Variants in CRLF1 observed in about 807,000 individuals in gnomAD.
CRLF1 encodes the protein cytokine receptor like factor 1.
A neutral mutation model predicts 48.9 loss-of-function variants in CRLF1; 36 were observed. The ratio of observed to expected loss-of-function variants is 0.74; its 90% confidence interval spans 0.56 to 0.97. The LOEUF is 0.97. CRLF1 is among the 50% of genes least tolerant of loss of function. The pLI is 0.00. For missense variants in CRLF1, 534 were observed against 575.1 expected (o/e 0.93, Z 0.73); for synonymous variants, 256 against 253.4 (o/e 1.01, Z -0.10).
intron 8 of CRLF1, 105 bp downstream of exon 8, chr19:18,593,958 ACT>A (rs1951269942): frequency 6.7e-7 from 1 of 1,501,734 alleles, no homozygotes; most frequent in South Asian, 1.2e-5. Context: ...CATCTCAGCG[ACT>A]CTAAGGCTGG....
rs1203745612 is a variant in CRLF1 at position 18,606,790 on chromosome 19, G to A, written c.-134C>T. 1.4e-5 allele frequency: 2 copies of A among 145,328 alleles called. No homozygotes were observed. Among genetic ancestry groups the A allele is most frequent in the Admixed American group, 6.8e-5 (1 of 14,702 alleles). 9.0% of individuals were successfully genotyped at this position (145,328 alleles called of 1,614,324 possible). On this transcript the variant is annotated 5_prime_UTR_variant, in exon 1 of 9. Coordinates refer to ENST00000392386, the MANE Select transcript of CRLF1 (RefSeq NM_004750.5). The surrounding 1 kb of genome is among the most constrained non-coding windows in gnomAD (Gnocchi z 4.8). ...TCGCTGGGCGCGGACGCGGAGGCCG[G>A]AGCAAGTCTGAGCAGCCGAATTGAC... is the stretch of plus-strand genomic sequence containing the variant.
intron 1 of CRLF1, among the ~76,000 whole-genome samples, chr19:18,605,788 C>A (rs950017635): frequency 1.3e-5 from 2 of 152,132 alleles, no homozygotes; most frequent in Non-Finnish European, 2.9e-5. Context: ...GGGGTCTTGG[C>A]CCGTAGGGCA....
At position 18,599,615 on chromosome 19, in the gene CRLF1, C is replaced by T. The variant is rs1253956599; in HGVS notation, c.347G>A (p.Cys116Tyr). The change falls in exon 2 of 9, where the codon TGC (cysteine) becomes TAC (tyrosine). Residue 116 changes from cysteine to tyrosine, a missense_variant. Transcript: ENST00000392386. Reference sequence around the variant, plus strand: ...CAGGATGCTGCCGTCACGGGCGTGGCACACGAGGTTGTCCCCCGACCGCTG... The same window carrying T: ...CAGGATGCTGCCGTCACGGGCGTGGTACACGAGGTTGTCCCCCGACCGCTG... The part of the protein sequence containing the change: ...SRQRSGDNLV[C>Y]HARDGSILAG... 6.2e-7 allele frequency: 1 copy of T among 1,613,332 alleles called. No homozygotes were observed. The highest frequency in any genetic ancestry group is 8.5e-7 in the Non-Finnish European group (1 of 1,180,012).
At chr19:18,594,032 T>TTGGGGGGCC in intron 8 of CRLF1, 33 bp downstream of exon 8, 13 of 695,800 alleles carry the variant, frequency 1.9e-5, no homozygotes, top group Non-Finnish European at 2.4e-5. Flanking sequence ...CTCCCCTTGC[T>TTGGGGGGCC]CCCTCCCGCC....
Position 18,594,421 on chromosome 19 carries a change from C to G in CRLF1, c.1038G>C (p.Pro346=), listed in dbSNP as rs1407223855. Residue 346 remains proline, a synonymous_variant, in exon 7 of 9, where the codon CCG becomes CCC. Coordinates refer to ENST00000392386, the MANE Select transcript of CRLF1 (RefSeq NM_004750.5). ...ASTPRSERPG[P]GGGACEPRGG... Reference sequence around the variant, plus strand: ...CCCGCGGTTCGCACGCCCCGCCGCCCGGGCCCGGGCGCTCTGGTGGTGGGC... The same window carrying G: ...CCCGCGGTTCGCACGCCCCGCCGCCGGGGCCCGGGCGCTCTGGTGGTGGGC... 1.3e-6 allele frequency: 2 copies of G among 1,494,286 alleles called. No individual in the cohort carries two copies. The highest frequency in any genetic ancestry group is 1.8e-6 in the Non-Finnish European group (2 of 1,120,656). The allele number at this position is 1,494,286 out of a possible 1,614,324, so 92.6% of individuals were successfully genotyped here.
intron 1 of CRLF1, among the ~76,000 whole-genome samples, chr19:18,601,363 G>A (rs997186133): frequency 1.3e-5 from 2 of 151,494 alleles, no homozygotes; most frequent in East Asian, 3.9e-4. Flanking sequence ...CGCAATCTCC[G>A]CCTCCCAGGT....
In CRLF1 at chr19:18,606,705, T is replaced by TGGC; in HGVS notation, c.-52_-50dup. 3.8e-5 allele frequency: 11 copies of TGGC among 287,106 alleles called. No homozygotes were observed. The highest frequency in any genetic ancestry group is 5.6e-5 in the Non-Finnish European group (11 of 196,018). 17.8% of individuals were successfully genotyped at this position (287,106 alleles called of 1,614,324 possible). A position where few individuals can be genotyped will look rare whatever the true frequency, so the allele number is the denominator to read the frequency against. ...GCGGCGGGCTGCGGCTCGGCGGCGG[T>TGGC]GGCGCAGGGCGCGGGACGCAGGCCG... On this transcript the variant is annotated 5_prime_UTR_variant, in exon 1 of 9. Coordinates refer to ENST00000392386, the MANE Select transcript of CRLF1 (RefSeq NM_004750.5). The surrounding 1 kb of genome is among the most constrained non-coding windows in gnomAD (Gnocchi z 4.8).
At chr19:18,598,713 T>A (rs947312210) in intron 3 of CRLF1, 59 bp downstream of exon 3, 2 of 1,613,866 alleles carry the variant, frequency 1.2e-6, no homozygotes, top group Non-Finnish European at 1.7e-6. Context: ...AGGGTCCGCG[T>A]TGGTCAAGGT....
At chr19:18,605,957 C>T (rs998546331) in intron 1 of CRLF1, among the ~76,000 whole-genome samples, 21 of 152,094 alleles carry the variant, frequency 1.4e-4, no homozygotes, top group African/African-American at 5.1e-4. Context: ...TAAGCGCCGC[C>T]GGTGGCGGGG....
At chr19:18,604,214 C>CCGG (rs1976258885) in intron 1 of CRLF1, among the ~76,000 whole-genome samples, 1 of 152,174 alleles carries the variant, frequency 6.6e-6, no homozygotes, top group Non-Finnish European at 1.5e-5. Context: ...CTGGCCTGGG[C>CCGG]CGGCGTGGCT....
intron 8 of CRLF1, 35 bp downstream of exon 8, chr19:18,594,030 G>GCGGGGGCCCCCCCCCC: frequency 1.5e-6 from 2 of 1,315,314 alleles, no homozygotes; most frequent in Non-Finnish European, 2.1e-6. Flanking sequence ...CCCTCCCCTT[G>GCGGGGGCCCCCCCCCC]CTCCCTCCCG....
intron 2 of CRLF1, 62 bp from the exon 3 acceptor site, chr19:18,598,963 A>G: frequency 6.3e-7 from 1 of 1,596,156 alleles, no homozygotes; most frequent in Non-Finnish European, 8.5e-7. Context: ...GCCTCGGCTG[A>G]GGGGTTGCTG....
At chr19:18,600,824 G>A (rs941930785) in intron 1 of CRLF1, among the ~76,000 whole-genome samples, 4 of 151,736 alleles carry the variant, frequency 2.6e-5, no homozygotes, top group Non-Finnish European at 5.9e-5. Flanking sequence ...TTTTTTTAGC[G>A]ACAGGGTCTC....
intron 1 of CRLF1, among the ~76,000 whole-genome samples, chr19:18,604,183 C>A (rs918013807): frequency 3.2e-4 from 49 of 152,280 alleles, no homozygotes; most frequent in African/African-American, 1.1e-3. Flanking sequence ...CTGGGGGGCG[C>A]TGCCCCTCTG....
At chr19:18,593,871 G>A in intron 8 of CRLF1, 194 bp downstream of exon 8, 2 of 985,144 alleles carry the variant, frequency 2.0e-6, no homozygotes, top group Non-Finnish European at 2.4e-6. Context: ...AATGTTCTTA[G>A]GCTAAAGGAG....
intron 8 of CRLF1, 33 bp downstream of exon 8, chr19:18,594,032 T>TTTGCC: frequency 1.4e-6 from 1 of 695,810 alleles, no homozygotes; most frequent in Non-Finnish European, 2.2e-6. Context: ...CTCCCCTTGC[T>TTTGCC]CCCTCCCGCC....
At chr19:18,603,698 G>A (rs1976248403) in intron 1 of CRLF1, among the ~76,000 whole-genome samples, 1 of 152,188 alleles carries the variant, frequency 6.6e-6, no homozygotes, top group African/African-American at 2.4e-5. Flanking sequence ...CCAGATGGGC[G>A]AGGTGGGGTG....
At chr19:18,603,366 T>G (rs1363991318) in intron 1 of CRLF1, among the ~76,000 whole-genome samples, 1 of 152,118 alleles carries the variant, frequency 6.6e-6, no homozygotes, top group Non-Finnish European at 1.5e-5. Flanking sequence ...GTAAGAGAAG[T>G]AGCTGTGACA....
At chr19:18,596,532 GA>G (rs889401595) in intron 6 of CRLF1, 89 bp downstream of exon 6, 1,318 of 1,322,900 alleles carry the variant, frequency 1.0e-3, no homozygotes, top group Admixed American at 1.3e-3. Flanking sequence ...TGTCTCAAAA[GA>G]AAAAAAAAAG....
Sources: allele counts gnomAD v4.1 joint callset (sites outside exome capture counted in the v4.1 genomes callset), GRCh38; gene constraint gnomAD v4.1.1; non-coding constraint Gnocchi (gnomAD v3.1); transcripts MANE v1.5; gene names NCBI Gene and HGNC (gene_info 2026-07-23, HGNC 2026-07-21).